FOXN3: variants seen among roughly 807,000 people sequenced by gnomAD.
FOXN3 encodes the protein forkhead box protein N3.
In FOXN3, 7 loss-of-function variants were observed where a neutral mutation model predicts 38.4. The observed-to-expected ratio is 0.18, with a 90% confidence interval of 0.10 to 0.34. The LOEUF (loss-of-function observed/expected upper bound fraction) is 0.34, where lower values mean the gene tolerates loss of function less well. Ranked by LOEUF, FOXN3 falls within the 10% of genes least tolerant of loss-of-function variation. The pLI, the probability that FOXN3 is intolerant of heterozygous loss-of-function variation, is 1.00. For synonymous variants in FOXN3, 230 were observed against 242.2 expected, an observed-to-expected ratio of 0.95 and a Z score of 0.47; for missense variants, 456 against 613.4, an observed-to-expected ratio of 0.74 and a Z score of 2.71.
Position 89,467,553 on chromosome 14 carries a change from T to TA in FOXN3, c.-14-55064dup, listed in dbSNP as rs562271527. The stretch of plus-strand genomic sequence containing the variant: ...TTTTTTAAGTGATAAACATGCCCTT[T>TA]AAAAAAAAAAAGGCAAAACAGCACA... On this transcript the variant is annotated intron_variant, in intron 1 of 6. Coordinates refer to the FOXN3 transcript ENST00000345097. Among the ~76,000 whole-genome samples the TA allele has an allele frequency of 2.9e-3, 419 of 142,454 alleles. 3 individuals are homozygous for TA. Among genetic ancestry groups the TA allele is most frequent in the African/African-American group, 9.1e-3 (356 of 39,126 alleles). 93.5% of individuals were successfully genotyped at this position (142,454 alleles called of 152,430 possible). A position where few individuals can be genotyped will look rare whatever the true frequency, so the allele number is the denominator to read the frequency against.
At chr14:89,306,441 C>T (rs1887378953) in intron 3 of FOXN3, among the ~76,000 whole-genome samples, 1 of 151,942 alleles carries the variant, frequency 6.6e-6, no homozygotes, top group Non-Finnish European at 1.5e-5. Flanking sequence ...CATCTCGGTT[C>T]ACTGCAAGCT....
intron 2 of FOXN3, among the ~76,000 whole-genome samples, chr14:89,387,065 T>G (rs1890809426): frequency 6.6e-6 from 1 of 152,296 alleles, no homozygotes; most frequent in South Asian, 2.1e-4. Context: ...AAGACCAGCC[T>G]GGCCAACATG....
At chr14:89,410,601 G>A (rs1891517589) in intron 2 of FOXN3, among the ~76,000 whole-genome samples, 1 of 152,196 alleles carries the variant, frequency 6.6e-6, no homozygotes. Flanking sequence ...GGCCAGGCGT[G>A]GTGGCTCATG....
At chr14:89,205,168 A>G (rs79350013) in intron 4 of FOXN3, among the ~76,000 whole-genome samples, 3,693 of 151,762 alleles carry the variant, frequency 0.024, 140 homozygotes, top group African/African-American at 0.084. Context: ...AAAAAAAGGC[A>G]AGTTCCTTAC....
At chr14:89,269,354 T>A (rs1260836370) in intron 4 of FOXN3, among the ~76,000 whole-genome samples, 2 of 152,178 alleles carry the variant, frequency 1.3e-5, no homozygotes, top group Non-Finnish European at 2.9e-5. Context: ...TGTCTTGCAG[T>A]CTCCCTGTGG....
chr14:89,214,038 C>T (rs1376618460), intron 4 of FOXN3, among the ~76,000 whole-genome samples: 1 of 152,126 alleles, frequency 6.6e-6, no homozygotes, highest in Non-Finnish European at 1.5e-5. Context: ...AAAAAAGTGG[C>T]AAAATGTTCT....
intron 2 of FOXN3, among the ~76,000 whole-genome samples, chr14:89,371,451 T>C (rs1890317028): frequency 6.6e-6 from 1 of 152,028 alleles, no homozygotes; most frequent in South Asian, 2.1e-4. Context: ...CATGACCCAC[T>C]TGGCCACCAG....
chr14:89,592,769 C>T (rs1355685787), intron 1 of FOXN3, among the ~76,000 whole-genome samples: 1 of 151,906 alleles, frequency 6.6e-6, no homozygotes, highest in Non-Finnish European at 1.5e-5. Context: ...TGTAGCAAAC[C>T]AAAAGAGAAG....
intron 4 of FOXN3, among the ~76,000 whole-genome samples, chr14:89,217,333 C>T (rs754067586): frequency 6.6e-6 from 1 of 152,110 alleles, no homozygotes; most frequent in Non-Finnish European, 1.5e-5. Flanking sequence ...GAGATGGGGT[C>T]TCTCTATGTT....
intron 1 of FOXN3, among the ~76,000 whole-genome samples, chr14:89,579,861 TGAATCATAGAAG>T (rs976678014): frequency 1.3e-4 from 20 of 152,260 alleles, no homozygotes; most frequent in African/African-American, 4.6e-4. Flanking sequence ...TGTCTTCAAT[TGAATCATAGAAG>T]GAACCCCGAC....
At chr14:89,319,832 T>G (rs894175029) in intron 3 of FOXN3, among the ~76,000 whole-genome samples, 1 of 152,220 alleles carries the variant, frequency 6.6e-6, no homozygotes, top group Admixed American at 6.5e-5. Context: ...ATGATTAAAC[T>G]TGAGTCAATA....
At chr14:89,244,236 C>T (rs8009580) in intron 4 of FOXN3, among the ~76,000 whole-genome samples, 4,501 of 152,274 alleles carry the variant, frequency 0.03, 194 homozygotes, top group African/African-American at 0.1. Context: ...ATATTGGTAA[C>T]GGCCTTCCCT....
chr14:89,260,659 C>T (rs1885770006), intron 4 of FOXN3, among the ~76,000 whole-genome samples: 1 of 152,200 alleles, frequency 6.6e-6, no homozygotes, highest in Non-Finnish European at 1.5e-5. Context: ...GTGTAGAATG[C>T]TCCGGCACAG....
rs145853696 is a variant in FOXN3 at position 89,617,010 on chromosome 14, G to GTTTTGT, written c.-15+2012_-15+2017dup. On this transcript the variant is annotated intron_variant, in intron 1 of 6. Transcript: ENST00000345097. ...TCCAGGCATCTGTGATGACATGCAGGTTTTGTTTTTGTTTTTGTTTTTGTT... is the reference window on the plus strand; with the variant it reads ...TCCAGGCATCTGTGATGACATGCAGGTTTTGTTTTTGTTTTTGTTTTTGTTTTTGTT... Among the ~76,000 whole-genome samples the GTTTTGT allele has an allele frequency of 2.6e-3, 401 of 152,152 alleles. 1 individual carries two copies. The highest frequency in any genetic ancestry group is 9.3e-3 in the African/African-American group (385 of 41,472).
At chr14:89,455,180 G>A (rs956253196) in intron 1 of FOXN3, among the ~76,000 whole-genome samples, 2 of 152,162 alleles carry the variant, frequency 1.3e-5, no homozygotes, top group African/African-American at 4.8e-5. Context: ...GTTCCTTATA[G>A]AAGGCCCTGA....
At chr14:89,568,871 T>G (rs901578048) in intron 1 of FOXN3, among the ~76,000 whole-genome samples, 1 of 152,248 alleles carries the variant, frequency 6.6e-6, no homozygotes, top group Non-Finnish European at 1.5e-5. Context: ...GGTTTGGCCC[T>G]TTCTTAGATA....
At chr14:89,506,535 C>T (rs1226707581) in intron 1 of FOXN3, among the ~76,000 whole-genome samples, 72 of 150,920 alleles carry the variant, frequency 4.8e-4, no homozygotes, top group Non-Finnish European at 7.1e-4. Context: ...CCAGCCACCC[C>T]GTCCGGGAGG....
At chr14:89,213,463 C>T (rs1884165061) in intron 4 of FOXN3, among the ~76,000 whole-genome samples, 2 of 152,172 alleles carry the variant, frequency 1.3e-5, no homozygotes, top group African/African-American at 2.4e-5. Flanking sequence ...GAATCGGTCA[C>T]TCTAGTTTCC....
chr14:89,528,374 A>ATTTTTTTTTT (rs1280882695), intron 1 of FOXN3, among the ~76,000 whole-genome samples: 2 of 62,222 alleles, frequency 3.2e-5, no homozygotes, highest in Admixed American at 2.1e-4. Flanking sequence ...ACATGGATGA[A>ATTTTTTTTTT]TCTTTTTTTT....
Sources: gnomAD v4.1 joint callset for allele counts (sites outside exome capture counted in the v4.1 genomes callset) on GRCh38, gnomAD v4.1.1 for gene constraint, MANE v1.5 for transcripts, NCBI Gene and HGNC (gene_info 2026-07-23, HGNC 2026-07-21) for gene names.